The following CIDEB variants were observed in gnomAD, a reference collection of about 807,000 sequenced individuals.
The protein encoded by CIDEB is cell death inducing DFFA like effector b, also known as lipid transferase CIDEB.
A neutral mutation model predicts 22.4 loss-of-function variants in CIDEB; 27 were observed. The observed-to-expected ratio is 1.21, with a 90% CI of 0.89 to 1.66. CIDEB has a LOEUF of 1.66. CIDEB is among the 40% of genes most tolerant of loss of function. The pLI, the probability that CIDEB is intolerant of heterozygous loss-of-function variation, is 0.00. For synonymous variants in CIDEB, 103 were observed against 109.5 expected, an observed-to-expected ratio of 0.94 and a Z score of 0.37; for missense variants, 289 against 268.7, an observed-to-expected ratio of 1.08 and a Z score of -0.53.
chr14:24,306,003 G>T lies in CIDEB; in HGVS notation c.471C>A (p.Tyr157Ter), dbSNP rs367645614. 6.2e-7 allele frequency: 1 copy of T among 1,614,060 alleles called. No homozygotes were observed. Among genetic ancestry groups the T allele is most frequent in the East Asian group, 2.2e-5 (1 of 44,900 alleles). ...AGTCACAACTCATAGAGTAGAGCCC[G>T]TAGAATGTGGCTTTGACATTCAGGC... is the stretch of plus-strand genomic sequence containing the variant. Reference protein sequence around the residue: ...FGSLNVKATFYGLYSMSCDFQ... With the variant: ...FGSLNVKATF The change falls in exon 4 of 5, where the codon TAC becomes TAA. Residue 157 changes from tyrosine (Y) to a stop codon, truncating the protein, a stop_gained. Coordinates refer to ENST00000554411, the MANE Select transcript of CIDEB (RefSeq NM_001393339.1). LOFTEE classifies it high-confidence loss of function.
chr14:24,306,390 C>CTCTT lies in CIDEB; in HGVS notation c.319_320insAAGA (p.Ser107LysfsTer32). On this transcript the variant is annotated frameshift_variant, in exon 3 of 5. Transcript: ENST00000554411. LOFTEE classifies it high-confidence loss of function. ...GCCTCTTACCCTTGTAGGGCTCCAGCTCTGACCAGACTGCAACACCATCAG... is the reference window on the plus strand; with the variant it reads ...GCCTCTTACCCTTGTAGGGCTCCAGCTCTTTCTGACCAGACTGCAACACCATCAG... 1 of 1,614,228 alleles carries CTCTT rather than the reference C, an allele frequency of 6.2e-7. No homozygotes were observed. Among genetic ancestry groups the CTCTT allele is most frequent in the Non-Finnish European group, 8.5e-7 (1 of 1,180,036 alleles).
At chr14:24,309,185 C>G (rs139965582), upstream of CIDEB, 7 of 152,390 alleles carry the variant, frequency 4.6e-5, no homozygotes, top group Middle Eastern at 3.4e-3. Context: ...CCAAGGCCTA[C>G]TGAAGGGACT....
In CIDEB at chr14:24,306,234, T is replaced by C. The variant is rs1357723651; in HGVS notation, c.337-97A>G. The stretch of plus-strand genomic sequence containing the variant: ...GTCAGACCCTCCCTCGCTTGGACTT[T>C]CTGTCCACTGTGTGACATCCTTGAC... On this transcript the variant is annotated intron_variant, in intron 3 of 4. Coordinates refer to ENST00000554411, the MANE Select transcript of CIDEB (RefSeq NM_001393339.1). The C allele has an allele frequency of 2.0e-6, 3 of 1,517,448 alleles. No homozygotes were observed. In the African/African-American group the frequency reaches 4.1e-5, roughly 21 times the overall value. 94.0% of individuals were successfully genotyped at this position (1,517,448 alleles called of 1,614,324 possible). A position where few individuals can be genotyped will look rare whatever the true frequency, so the allele number is the denominator to read the frequency against.
chr14:24,307,311 A>G, intron 2 of CIDEB, 60 bp downstream of exon 2: 1 of 1,540,782 alleles, frequency 6.5e-7, no homozygotes, highest in Non-Finnish European at 8.8e-7. Context: ...ACAAGTTGCC[A>G]CTGTTGTGGA....
upstream of CIDEB, chr14:24,311,387 C>T (rs1304230961): frequency 1.9e-6 from 3 of 1,602,894 alleles, no homozygotes; most frequent in African/African-American, 1.3e-5. Context: ...CCCCCTACCA[C>T]GCAGTCAACC....
upstream of CIDEB, chr14:24,310,918 AGGCCTGGCCGCTGGGCCAGGCG>A (rs1566422380): frequency 1.7e-5 from 27 of 1,589,600 alleles, no homozygotes; most frequent in Non-Finnish European, 2.3e-5. Context: ...CTGACCCGGC[AGGCCTGGCCGCTGGGCCAGGCG>A]GGCTGCAAGG....
Position 24,305,853 on chromosome 14 carries a change from A to G in CIDEB, c.528-88T>C, listed in dbSNP as rs541665680. On this transcript the variant is annotated intron_variant, in intron 4 of 4. Transcript: ENST00000554411. ...TGGGAGATGAGGACTTTCCACAAGCAAGAGCTAACTAGGGGTAGGTGGGTG... is the reference window on the plus strand; with the variant it reads ...TGGGAGATGAGGACTTTCCACAAGCGAGAGCTAACTAGGGGTAGGTGGGTG... 160 of 1,586,502 alleles carry G rather than the reference A, an allele frequency of 1.0e-4. 2 individuals are homozygous for G. In the South Asian group the frequency reaches 1.7e-3, roughly 17 times the overall value.
At chr14:24,305,887 C>A in intron 4 of CIDEB, 60 bp downstream of exon 4, 1 of 1,584,324 alleles carries the variant, frequency 6.3e-7, no homozygotes, top group African/African-American at 1.3e-5. Flanking sequence ...TGCAAGAGGA[C>A]GAATTATGGG....
upstream of CIDEB, chr14:24,310,115 G>T: frequency 2.2e-5 from 4 of 181,384 alleles, no homozygotes; most frequent in South Asian, 1.1e-4. Context: ...AGAGGCCCAG[G>T]ATGAGCCTCA....
Position 24,306,383 on chromosome 14 carries a change from G to C in CIDEB, c.327C>G (p.Ser109Arg), listed in dbSNP as rs1208850480. 8 of 1,614,174 alleles carry C rather than the reference G, an allele frequency of 5.0e-6. No homozygotes were observed. The highest frequency in any genetic ancestry group is 6.8e-6 in the Non-Finnish European group (8 of 1,180,026). Residue 109 changes from serine to arginine, a missense_variant, in exon 3 of 5, where the codon AGC becomes AGG. Transcript: ENST00000554411. ...AGTATAGGCCTCTTACCCTTGTAGG[G>C]CTCCAGCTCTGACCAGACTGCAACA... is the stretch of plus-strand genomic sequence containing the variant. ...LMVLQSGQSW[S>R]PTRSGVLSYG...
rs1367220210 is a variant in CIDEB at position 24,306,101 on chromosome 14, G to A, written c.373C>T (p.Pro125Ser). The A allele has an allele frequency of 6.2e-7, 1 of 1,613,902 alleles. No homozygotes were observed. The highest frequency in any genetic ancestry group is 2.2e-5 in the East Asian group (1 of 44,892). Reference protein sequence around the residue: ...VLSYGLGRERPKHSKDIARFT... With the variant: ...VLSYGLGRERSKHSKDIARFT... ...CGGGCGATGTCCTTGCTGTGCTTGG[G>A]CCTCTCCCGTCCCAGGCCATATGAC... Residue 125 changes from proline to serine, a missense_variant, in exon 4 of 5, where the codon CCC (proline) becomes TCC (serine). Pro to Ser is a moderately conservative substitution (Grantham distance 74). Transcript: ENST00000554411.
upstream of CIDEB, chr14:24,310,450 G>C (rs2041653539): frequency 1.2e-5 from 8 of 692,522 alleles, no homozygotes; most frequent in Admixed American, 8.6e-5. Flanking sequence ...CAGGTCAACT[G>C]ACTGGGAGCA....
upstream of CIDEB, chr14:24,311,079 C>T (rs1211589710): frequency 1.3e-6 from 2 of 1,560,850 alleles, no homozygotes; most frequent in South Asian, 1.2e-5. Flanking sequence ...GGCCCTGGCC[C>T]GCCGCCTGCT....
chr14:24,306,654 C>A, intron 2 of CIDEB, 131 bp from the exon 3 acceptor site: 1 of 1,120,012 alleles, frequency 8.9e-7, no homozygotes. Flanking sequence ...ACTTTGATAC[C>A]TCCTAAAGGT....
chr14:24,306,761 T>C (rs1276235567), intron 2 of CIDEB: 7 of 544,598 alleles, frequency 1.3e-5, no homozygotes, highest in Non-Finnish European at 2.0e-5. Flanking sequence ...CTCCCCTTGC[T>C]CCCCTCCAAG....
At chr14:24,310,351 G>C (rs2139167346), upstream of CIDEB, 2 of 606,510 alleles carry the variant, frequency 3.3e-6, no homozygotes, top group Non-Finnish European at 5.8e-6. Flanking sequence ...GGCCAGACTA[G>C]AGGAGTGGTG....
rs1251641506 is a variant in CIDEB at position 24,307,387 on chromosome 14, T to A, written c.170A>T (p.Gln57Leu). 6.2e-7 allele frequency: 1 copy of A among 1,613,820 alleles called. No homozygotes were observed. The highest frequency in any genetic ancestry group is 1.7e-5 in the Admixed American group (1 of 59,978). The change falls in exon 2 of 5, where the codon CAG becomes CTG. Residue 57 changes from glutamine to leucine, a missense_variant. Physicochemically the swap from Gln to Leu is moderately radical, Grantham distance 113 (BLOSUM62 -2). Transcript: ENST00000554411. ...CCTACTTACTTTGGCTAGCAGCTCC[T>A]GGCGGGTGGCAGCTGTCAGGCCTTT... is the stretch of plus-strand genomic sequence containing the variant. Reference protein sequence around the residue: ...IRKGLTAATRQELLAKALETL... With the variant: ...IRKGLTAATRLELLAKALETL...
upstream of CIDEB, chr14:24,309,368 CAG>C (rs2139162474): frequency 6.6e-6 from 1 of 152,402 alleles, no homozygotes; most frequent in South Asian, 2.1e-4. Context: ...CAAACTAAGA[CAG>C]TGCTCCTGGT....
upstream of CIDEB, chr14:24,308,195 T>C: frequency 1.7e-5 from 6 of 352,104 alleles, no homozygotes; most frequent in Non-Finnish European, 3.2e-5. Context: ...TTTTTATTTC[T>C]ATGGAGGGAA....
Sources: gnomAD v4.1 joint callset for allele counts on GRCh38, gnomAD v4.1.1 for gene constraint, MANE v1.5 for transcripts, NCBI Gene and HGNC (gene_info 2026-07-23, HGNC 2026-07-21) for gene names.